CD163L1: variants seen among roughly 807,000 people sequenced by gnomAD.
CD163L1 encodes scavenger receptor cysteine-rich type 1 protein M160.
In CD163L1, 124 loss-of-function variants were observed where a neutral mutation model predicts 165.4. The ratio of observed to expected loss-of-function variants is 0.75; its 90% confidence interval spans 0.65 to 0.87. The LOEUF is 0.87. Among genes scored for constraint, CD163L1 ranks in the 40% least tolerant of loss-of-function variants. The pLI is 0.00. For missense variants in CD163L1, 1,525 were observed against 1,799.9 expected (o/e 0.85, Z 2.76); for synonymous variants, 585 against 662.2 (o/e 0.88, Z 1.79).
chr12:7,416,193 T>C (rs1424064537), intron 4 of CD163L1, among the ~76,000 whole-genome samples: 2 of 152,254 alleles, frequency 1.3e-5, no homozygotes, highest in Non-Finnish European at 2.9e-5. Context: ...GAGCTTTTTT[T>C]CATATGTTTG....
Position 7,398,265 on chromosome 12 carries a change from T to C in CD163L1, c.1728A>G (p.Ser576=). The change falls in exon 7 of 20, where the codon TCA becomes TCG. Residue 576 remains serine (S), a splice_region_variant and synonymous_variant. Transcript: ENST00000313599. This position sits in a 1 kb window ranked among gnomAD's most constrained non-coding sequence, Gnocchi z 4.5. The part of the protein sequence containing the change: ...VHREDVIVTC[S]GDATWGLRLV... ...ATAATAAACAAGAACAAGTCTTACC[T>C]GAGCAGGTTACAATCACATCCTCTC... The C allele has an allele frequency of 1.2e-6, 2 of 1,611,642 alleles. No individual in the cohort carries two copies. Among genetic ancestry groups the C allele is most frequent in the African/African-American group, 1.3e-5 (1 of 75,022 alleles).
intron 4 of CD163L1, among the ~76,000 whole-genome samples, chr12:7,408,093 A>ATATC (rs1555200524): frequency 0.11 from 16,587 of 150,140 alleles, 1,667 homozygotes; most frequent in African/African-American, 0.27. Flanking sequence ...ATATATATAT[A>ATATC]TCATATATAT....
intron 8 of CD163L1, among the ~76,000 whole-genome samples, chr12:7,395,529 C>T (rs1947754253): frequency 6.6e-6 from 1 of 152,106 alleles, no homozygotes; most frequent in Non-Finnish European, 1.5e-5. Flanking sequence ...ACCAACATGG[C>T]ACATGTATAC....
intron 4 of CD163L1, among the ~76,000 whole-genome samples, chr12:7,429,853 C>A (rs1055507600): frequency 1.3e-5 from 2 of 152,162 alleles, no homozygotes; most frequent in African/African-American, 4.8e-5. Context: ...TGGTAATTAT[C>A]TGCATAAAAC....
rs1947959098 is a variant in CD163L1, at chr12:7,403,752, GT to G, written c.1190del (p.Asn397ThrfsTer14). 1 of 1,613,770 alleles carries G rather than the reference GT, an allele frequency of 6.2e-7. No homozygotes were observed. On this transcript the variant is annotated frameshift_variant, in exon 6 of 20. Coordinates refer to ENST00000313599, the MANE Select transcript of CD163L1 (RefSeq NM_174941.6). LOFTEE classifies it high-confidence loss of function. ...CCACAAGGGCTTGTTCATTCTTCCAGTTCTGGTCACATATTGTCCACCACTG... is the reference window on the plus strand; with the variant it reads ...CCACAAGGGCTTGTTCATTCTTCCAGTCTGGTCACATATTGTCCACCACTG... ...HEQWWTICDQ[N>X]WKNEQALVVC...
intron 8 of CD163L1, among the ~76,000 whole-genome samples, chr12:7,380,360 TACGC>T (rs1460176737): frequency 6.1e-5 from 9 of 147,162 alleles, no homozygotes; most frequent in African/African-American, 1.6e-4. Context: ...TATGTGTGTA[TACGC>T]GTATACATAC....
At chr12:7,355,257 T>G (rs1946751184) in intron 19 of CD163L1, 127 bp from the exon 20 acceptor site, 1 of 152,112 alleles carries the variant, frequency 6.6e-6, no homozygotes, top group Admixed American at 6.5e-5. Flanking sequence ...CACAAAGAAT[T>G]GATCAATTAG....
At chr12:7,320,866 C>A in the CD163L1 span, 1 of 1,388,846 alleles carries the variant, frequency 7.2e-7, no homozygotes, top group Non-Finnish European at 1.0e-6. Context: ...GATCACAGAT[C>A]TCTCTTTTTC....
At chr12:7,436,726 A>T (rs1329583724) in intron 2 of CD163L1, among the ~76,000 whole-genome samples, 2 of 152,078 alleles carry the variant, frequency 1.3e-5, no homozygotes, top group Non-Finnish European at 2.9e-5. Context: ...TAACAATAAA[A>T]TTTTATTTAA....
At chr12:7,348,601 T>C (rs1056342008) in intron 4 of CD163L1, among the ~76,000 whole-genome samples, 2 of 152,172 alleles carry the variant, frequency 1.3e-5, no homozygotes, top group Non-Finnish European at 2.9e-5. Flanking sequence ...GCAAGTTACC[T>C]TTCTGAGCCT....
At position 7,421,057 on chromosome 12, in the gene CD163L1, G is replaced by GTATATATATACGTA. The variant is rs772067194; in HGVS notation, c.766+11358_766+11359insTACGTATATATATA. Among the ~76,000 whole-genome samples, 330 of 79,214 alleles carry GTATATATATACGTA rather than the reference G, an allele frequency of 4.2e-3. 7 individuals are homozygous for GTATATATATACGTA. The highest frequency in any genetic ancestry group is 0.023 in the East Asian group (47 of 2,086). 52.0% of individuals were successfully genotyped at this position (79,214 alleles called of 152,430 possible). A position where few individuals can be genotyped will look rare whatever the true frequency, so the allele number is the denominator to read the frequency against. On this transcript the variant is annotated intron_variant, in intron 4 of 19. Coordinates refer to ENST00000313599, the MANE Select transcript of CD163L1 (RefSeq NM_174941.6). ...TATACGTGTATATATATGTATATAC[G>GTATATATATACGTA]TATATATGTATATATACGTATATAT...
chr12:7,379,574 A>G (rs954594684), intron 8 of CD163L1, among the ~76,000 whole-genome samples: 9 of 152,208 alleles, frequency 5.9e-5, no homozygotes, highest in African/African-American at 2.2e-4. Flanking sequence ...TTACTTACAA[A>G]ATCTTATCAG....
At chr12:7,433,790 A>C in intron 2 of CD163L1, 96 bp from the exon 3 acceptor site, 1 of 936,372 alleles carries the variant, frequency 1.1e-6, no homozygotes, top group Non-Finnish European at 1.6e-6. Flanking sequence ...TTTAGTTTAA[A>C]TGTTGTTATT....
rs758781800 is a variant in CD163L1, at chr12:7,375,862, T to C, written c.2524A>G (p.Ile842Val). The change falls in exon 10 of 20, where the codon ATA (isoleucine) becomes GTA (valine). Residue 842 changes from isoleucine to valine, a missense_variant. Ile to Val is a conservative substitution (Grantham distance 29). Transcript: ENST00000313599. ...LCRELNCGDA[I>V]SLSVGDHFGK... ...AAGTGATCTCCCACAGAAAGAGATATGGCATCTCCACAGTTTAATTCTCTG... is the reference window on the plus strand; with the variant it reads ...AAGTGATCTCCCACAGAAAGAGATACGGCATCTCCACAGTTTAATTCTCTG... 5 of 1,614,212 alleles carry C rather than the reference T, an allele frequency of 3.1e-6. No individual in the cohort carries two copies. The highest frequency in any genetic ancestry group is 2.2e-5 in the South Asian group (2 of 91,088).
intron 4 of CD163L1, among the ~76,000 whole-genome samples, chr12:7,412,970 C>T (rs1014125303): frequency 2.0e-5 from 3 of 151,418 alleles, no homozygotes; most frequent in Non-Finnish European, 4.4e-5. Flanking sequence ...GTGGCAGGTG[C>T]CTATAATCCC....
At chr12:7,331,378 A>G in the CD163L1 span, among the ~76,000 whole-genome samples, 337 of 152,320 alleles carry the variant, frequency 2.2e-3, 2 homozygotes, top group African/African-American at 7.6e-3. Context: ...AGACAAACAA[A>G]AGGCAGCAAT....
chr12:7,365,745 A>G (rs1947003459), intron 18 of CD163L1, among the ~76,000 whole-genome samples: 1 of 152,158 alleles, frequency 6.6e-6, no homozygotes, highest in Non-Finnish European at 1.5e-5. Context: ...GCTTTTATCA[A>G]AAAGACAGGA....
chr12:7,388,764 T>TGGG (rs200736318), intron 8 of CD163L1, among the ~76,000 whole-genome samples: 14 of 135,190 alleles, frequency 1.0e-4, no homozygotes, highest in African/African-American at 3.6e-4. Flanking sequence ...AAAAACAAAG[T>TGGG]GGGGGGGGCA....
At chr12:7,325,689 A>C in the CD163L1 span, among the ~76,000 whole-genome samples, 2 of 152,188 alleles carry the variant, frequency 1.3e-5, no homozygotes, top group Non-Finnish European at 1.5e-5. Flanking sequence ...CCAGGTTCCC[A>C]AACAAGTCTC....
Sources: gnomAD v4.1 joint callset for allele counts (sites outside exome capture counted in the v4.1 genomes callset) on GRCh38, gnomAD v4.1.1 for gene constraint, Gnocchi (gnomAD v3.1) non-coding constraint, MANE v1.5 for transcripts, NCBI Gene and HGNC (gene_info 2026-07-23, HGNC 2026-07-21) for gene names.